ATRN: variants seen among roughly 807,000 people sequenced by gnomAD.
ATRN encodes attractin-2.
ATRN carries 54 observed loss-of-function variants against 178.7 expected under a neutral mutation model. The ratio of observed to expected loss-of-function variants is 0.30; its 90% CI spans 0.24 to 0.38. The LOEUF (loss-of-function observed/expected upper bound fraction) is 0.38. Among genes scored for constraint, ATRN ranks in the 10% least tolerant of loss-of-function variants. The probability of loss-of-function intolerance (pLI) is 1.00; values close to 1 mark genes in which losing one functional copy is unlikely to be tolerated. For synonymous variants in ATRN, 636 were observed against 663.0 expected (o/e 0.96, Z 0.63); for missense variants, 1,443 against 1,815.1 (o/e 0.79, Z 3.73).
intron 20 of ATRN, 102 bp from the exon 21 acceptor site, chr20:3,596,275 T>C (rs1313152415): frequency 8.1e-7 from 1 of 1,229,346 alleles, no homozygotes; most frequent in African/African-American, 1.5e-5. Context: ...TTATAATGGC[T>C]CCAGACTATC....
intron 1 of ATRN, among the ~76,000 whole-genome samples, chr20:3,505,669 A>T (rs2085033245): frequency 6.6e-6 from 1 of 152,226 alleles, no homozygotes. Flanking sequence ...TATACCAATC[A>T]AAAGACAGAG....
At chr20:3,629,123 C>T in intron 25 of ATRN, 2 of 985,368 alleles carry the variant, frequency 2.0e-6, no homozygotes, top group Non-Finnish European at 2.4e-6. Flanking sequence ...TCAGTGCACT[C>T]TCCACCTCCA....
intron 24 of ATRN, among the ~76,000 whole-genome samples, chr20:3,614,683 A>G (rs1024696602): frequency 5.3e-5 from 8 of 152,184 alleles, no homozygotes; most frequent in Non-Finnish European, 1.0e-4. Flanking sequence ...TTTAAAGTAC[A>G]CAATTCAGTG....
At chr20:3,646,687 G>A (rs774868193) in intron 28 of ATRN, 36 bp from the exon 29 acceptor site, 1 of 1,536,008 alleles carries the variant, frequency 6.5e-7, no homozygotes, top group Non-Finnish European at 8.8e-7. Flanking sequence ...AAAGCCAGCT[G>A]CTCCCAGCAT....
Position 3,471,319 on chromosome 20 carries a change from CGCTGCT to C in ATRN, c.227_232del (p.Leu76_Leu77del), listed in dbSNP as rs772463780. The C allele has an allele frequency of 4.9e-5, 72 of 1,480,986 alleles. No homozygotes were observed. The highest frequency in any genetic ancestry group is 2.2e-4 in the Middle Eastern group (1 of 4,520). 91.7% of individuals were successfully genotyped at this position (1,480,986 alleles called of 1,614,324 possible). A position where few individuals can be genotyped will look rare whatever the true frequency, so the allele number is the denominator to read the frequency against. On this transcript the variant is annotated inframe_deletion, in exon 1 of 29. Coordinates refer to ENST00000262919, the MANE Select transcript of ATRN (RefSeq NM_139321.3). ...CTGCTGCTGTTGTTGCTCTCGCCGC[CGCTGCT>C]GCTGCTGCTGCTGCCCTGTGAGGCC...
intron 19 of ATRN, chr20:3,592,492 A>G (rs2146273912): frequency 1.0e-6 from 1 of 983,862 alleles, no homozygotes; most frequent in African/African-American, 1.7e-5. Context: ...TATTATGAGA[A>G]CAAAAATTAT....
At chr20:3,601,180 C>G (rs751991763) in intron 23 of ATRN, among the ~76,000 whole-genome samples, 156 bp downstream of exon 23, 2 of 152,204 alleles carry the variant, frequency 1.3e-5, no homozygotes, top group Non-Finnish European at 2.9e-5. Context: ...ATCTAAATCC[C>G]TCTCTAAACC....
intron 8 of ATRN, among the ~76,000 whole-genome samples, chr20:3,561,534 C>T (rs2085953188): frequency 6.6e-6 from 1 of 151,854 alleles, no homozygotes. Context: ...AAATATTTGC[C>T]CAGCCCTTTA....
chr20:3,576,989 C>A lies in ATRN; in HGVS notation c.2345C>A (p.Ala782Asp), dbSNP rs760289135. 2.1e-5 allele frequency: 34 copies of A among 1,613,868 alleles called. No individual in the cohort carries two copies. Among genetic ancestry groups the A allele is most frequent in the Non-Finnish European group, 4.2e-6 (5 of 1,179,974 alleles). Reference protein sequence around the residue: ...QWEPRNQECIALPENICGIGW... With the variant: ...QWEPRNQECIDLPENICGIGW... ...GAGCCCCGGAATCAGGAGTGCATTG[C>A]CCTGCCCGGTAGGCCTTGCAGGGTC... The change falls in exon 14 of 29, where the codon GCC (alanine) becomes GAC (aspartate). Residue 782 changes from alanine (A) to aspartate (D), a missense_variant. Transcript: ENST00000262919.
intron 14 of ATRN, among the ~76,000 whole-genome samples, chr20:3,577,800 G>T (rs565792664): frequency 1.3e-5 from 2 of 152,088 alleles, no homozygotes; most frequent in African/African-American, 4.8e-5. Context: ...TTATCTAGTC[G>T]ACTGCTACAC....
At position 3,572,780 on chromosome 20, in the gene ATRN, C is replaced by G. The variant is rs2086145095; in HGVS notation, c.1921C>G (p.Leu641Val). ...GFNSLLLSDILVFTSEQCDAH... is the reference protein window; with the variant it reads ...GFNSLLLSDIVVFTSEQCDAH... ...CAATAGTCTCCTCCTCAGCGACATC[C>G]TGGTATTCACCTCGGAACAGTGTGA... The change falls in exon 12 of 29, where the codon CTG (leucine) becomes GTG (valine). Residue 641 changes from leucine to valine, a missense_variant. This residue lies in a region of ATRN where 862 missense variants were observed against 972.1 expected (regional missense o/e 0.89). Coordinates refer to ENST00000262919, the MANE Select transcript of ATRN (RefSeq NM_139321.3). 2.5e-6 allele frequency: 4 copies of G among 1,613,872 alleles called. No homozygotes were observed. In the African/African-American group the frequency reaches 5.3e-5, roughly 22 times the overall value.
At chr20:3,543,579 T>C (rs565855156) in intron 3 of ATRN, among the ~76,000 whole-genome samples, 9 of 151,642 alleles carry the variant, frequency 5.9e-5, no homozygotes, top group Admixed American at 1.3e-4. Context: ...AAAAAAATCA[T>C]CTGGGCATGG....
intron 1 of ATRN, among the ~76,000 whole-genome samples, chr20:3,530,941 A>C (rs1327035554): frequency 1.3e-5 from 2 of 152,154 alleles, no homozygotes; most frequent in Non-Finnish European, 2.9e-5. Context: ...GTATTCTTGA[A>C]CTAAGAAATT....
intron 1 of ATRN, among the ~76,000 whole-genome samples, chr20:3,512,796 C>T (rs1394904993): frequency 6.6e-6 from 1 of 152,156 alleles, no homozygotes; most frequent in Non-Finnish European, 1.5e-5. Context: ...TAATGATCGC[C>T]ATTCTAACTG....
chr20:3,620,148 C>T lies in ATRN; in HGVS notation c.3802-4363C>T, dbSNP rs191532510. 7.9e-5 allele frequency among the ~76,000 whole-genome samples: 12 copies of T among 151,822 alleles called. No homozygotes were observed. In the East Asian group the frequency reaches 1.9e-3, roughly 24 times the overall value. On this transcript the variant is annotated intron_variant, in intron 24 of 28. Transcript: ENST00000262919. Reference sequence around the variant, plus strand: ...GGGGATTTAACCTTCCAATTAAAGGCGAGGATTTTTTTTTTTCAATGCAGT... The same window carrying T: ...GGGGATTTAACCTTCCAATTAAAGGTGAGGATTTTTTTTTTTCAATGCAGT...
rs2087116725 is a variant in ATRN at position 3,647,554 on chromosome 20, TTCTCTCTGCCTGTCCC to T, written c.*712_*727del. The T allele has an allele frequency of 6.6e-6, 1 of 152,186 alleles. No homozygotes were observed. Among genetic ancestry groups the T allele is most frequent in the Non-Finnish European group, 1.5e-5 (1 of 68,024 alleles). The allele number at this position is 152,186 out of a possible 1,614,324, so 9.4% of individuals were successfully genotyped here. On this transcript the variant is annotated 3_prime_UTR_variant, in exon 29 of 29. Transcript: ENST00000262919. ...AATCCATTTGAAACTCTCTCTTCCT[TTCTCTCTGCCTGTCCC>T]TCTCCTTCTCCATCTCACCCTCCCT...
At chr20:3,644,969 T>G (rs1373951887) in intron 28 of ATRN, among the ~76,000 whole-genome samples, 1 of 152,244 alleles carries the variant, frequency 6.6e-6, no homozygotes, top group Non-Finnish European at 1.5e-5. Flanking sequence ...TATAGCCTAC[T>G]ACATAATATT....
intron 1 of ATRN, among the ~76,000 whole-genome samples, chr20:3,524,121 T>A (rs2085331870): frequency 6.6e-6 from 1 of 151,116 alleles, no homozygotes; most frequent in African/African-American, 2.4e-5. Context: ...ACAAATTGGA[T>A]AAAGAGTCAA....
At chr20:3,584,416 C>G (rs1172366235) in intron 17 of ATRN, among the ~76,000 whole-genome samples, 1 of 152,184 alleles carries the variant, frequency 6.6e-6, no homozygotes, top group African/African-American at 2.4e-5. Flanking sequence ...TAGATAATCT[C>G]TAAGGTCCCT....
Sources: gnomAD v4.1 joint callset for allele counts (sites outside exome capture counted in the v4.1 genomes callset) on GRCh38, gnomAD v4.1.1 for gene constraint, gnomAD v4.1.1 regional missense constraint, MANE v1.5 for transcripts, NCBI Gene and HGNC (gene_info 2026-07-23, HGNC 2026-07-21) for gene names.